Variants in RPH3A observed in about 807,000 individuals in gnomAD.
RPH3A encodes rabphilin 3A.
A neutral mutation model predicts 102.2 loss-of-function variants in RPH3A; 48 were observed. That is an observed-to-expected ratio of 0.47 (90% confidence interval 0.37 to 0.60). The LOEUF (loss-of-function observed/expected upper bound fraction) is 0.60. Among genes scored for constraint, RPH3A ranks in the 20% least tolerant of loss-of-function variants. RPH3A has a pLI of 0.00. For synonymous variants in RPH3A, 310 were observed against 324.3 expected, an observed-to-expected ratio of 0.96 and a Z score of 0.47; for missense variants, 781 against 910.1, an observed-to-expected ratio of 0.86 and a Z score of 1.83.
intron 2 of RPH3A, among the ~76,000 whole-genome samples, chr12:112,815,485 A>G (rs956001900): frequency 6.6e-6 from 1 of 152,134 alleles, no homozygotes; most frequent in Non-Finnish European, 1.5e-5. Flanking sequence ...CTCCCATCTA[A>G]AATTTGTGAA....
chr12:112,868,469 C>A lies in RPH3A; in HGVS notation c.484C>A (p.Pro162Thr). ...RSGAWFFKGF[P>T]KQVLPQPMPI... The stretch of plus-strand genomic sequence containing the variant: ...TGGAGCGTGGTTCTTCAAAGGCTTC[C>A]CCAAACAGGTCCTCCCACAGCCTAT... Residue 162 changes from proline (P) to threonine (T), a missense_variant, in exon 8 of 22, where the codon CCC (proline) becomes ACC (threonine). This residue lies in a region of RPH3A where 730 missense variants were observed against 810.0 expected (regional missense o/e 0.90). Transcript: ENST00000389385. The A allele has an allele frequency of 5.0e-6, 8 of 1,614,136 alleles. No homozygotes were observed. The highest frequency in any genetic ancestry group is 6.8e-6 in the Non-Finnish European group (8 of 1,180,020).
intron 1 of RPH3A, among the ~76,000 whole-genome samples, chr12:112,734,596 A>G (rs544906415): frequency 1.3e-5 from 2 of 152,376 alleles, no homozygotes; most frequent in South Asian, 4.1e-4. Context: ...TGGCTACTCC[A>G]TAGGCAGAGC....
intron 1 of RPH3A, among the ~76,000 whole-genome samples, chr12:112,752,066 G>A (rs1387976740): frequency 6.6e-6 from 1 of 152,264 alleles, no homozygotes; most frequent in South Asian, 2.1e-4. Context: ...TGTGGTATTA[G>A]GGGTAAGTTT....
chr12:112,862,663 C>T (rs149479054), intron 5 of RPH3A, among the ~76,000 whole-genome samples: 1 of 151,936 alleles, frequency 6.6e-6, no homozygotes, highest in East Asian at 2.0e-4. Flanking sequence ...TGCATGGTGC[C>T]TCCTCAAGCG....
chr12:112,737,064 A>AG (rs2040674441), intron 1 of RPH3A, among the ~76,000 whole-genome samples: 1 of 150,202 alleles, frequency 6.7e-6, no homozygotes, highest in Non-Finnish European at 1.5e-5. Context: ...CTGAGGTGGA[A>AG]GGATGGCTTG....
intron 5 of RPH3A, among the ~76,000 whole-genome samples, chr12:112,861,063 T>A (rs551892737): frequency 1.3e-5 from 2 of 152,162 alleles, no homozygotes; most frequent in East Asian, 3.9e-4. Context: ...ACAAAAGAGA[T>A]CAATGCAGAC....
chr12:112,663,538 A>G (rs954415026), intron 1 of RPH3A, among the ~76,000 whole-genome samples: 1 of 152,028 alleles, frequency 6.6e-6, no homozygotes, highest in Non-Finnish European at 1.5e-5. Flanking sequence ...ATTATTTTTT[A>G]TAGAGACAGC....
chr12:112,851,822 G>C (rs2042328700), intron 5 of RPH3A, among the ~76,000 whole-genome samples: 1 of 152,168 alleles, frequency 6.6e-6, no homozygotes, highest in Non-Finnish European at 1.5e-5. Context: ...TAAGTGCCAA[G>C]TGGGATTTCA....
rs567474017 is a variant in RPH3A at position 112,866,796 on chromosome 12, C to G, written c.400C>G (p.Leu134Val). The G allele has an allele frequency of 2.5e-5, 40 of 1,611,774 alleles. No individual in the cohort carries two copies. Among genetic ancestry groups the G allele is most frequent in the Middle Eastern group, 1.7e-4 (1 of 5,976 alleles). The change falls in exon 7 of 22, where the codon CTG becomes GTG. Residue 134 changes from leucine to valine, a missense_variant. Leu to Val is a conservative substitution (Grantham distance 32). Coordinates refer to ENST00000389385, the MANE Select transcript of RPH3A (RefSeq NM_001143854.2). Reference sequence around the variant, plus strand: ...GTGCGGAGTGGAGACCAACAACCGCCTGCATTCTGTGTGGCTCTGCAAAAT... The same window carrying G: ...GTGCGGAGTGGAGACCAACAACCGCGTGCATTCTGTGTGGCTCTGCAAAAT... ...TKCGVETNNR[L>V]HSVWLCKICI...
intron 2 of RPH3A, among the ~76,000 whole-genome samples, chr12:112,807,255 G>C (rs1054270355): frequency 3.3e-5 from 5 of 152,080 alleles, no homozygotes; most frequent in African/African-American, 1.2e-4. Context: ...ACTTGGAGAG[G>C]CTTGATGAAA....
intron 1 of RPH3A, among the ~76,000 whole-genome samples, chr12:112,629,691 G>C (rs1469950797): frequency 6.6e-6 from 1 of 151,430 alleles, no homozygotes; most frequent in Non-Finnish European, 1.5e-5. Flanking sequence ...TGCCCGGGCT[G>C]GTCTGAAACC....
chr12:112,704,742 T>C (rs1203659435), intron 1 of RPH3A, among the ~76,000 whole-genome samples: 2 of 152,208 alleles, frequency 1.3e-5, no homozygotes, highest in African/African-American at 4.8e-5. Flanking sequence ...GACCAACATT[T>C]CAAAAATTTA....
Position 112,883,397 on chromosome 12 carries a change from C to G in RPH3A, c.1431C>G (p.Thr477=), listed in dbSNP as rs1365782674. The G allele has an allele frequency of 6.2e-7, 1 of 1,612,366 alleles. No individual in the cohort carries two copies. Among genetic ancestry groups the G allele is most frequent in the Admixed American group, 1.7e-5 (1 of 59,966 alleles). ...CCGATGAGGACATGCAAAGGAAGAC[C>G]CTCAGGTACCTGGCAGGCAGAGGGC... is the stretch of plus-strand genomic sequence containing the variant. ...GITDEDMQRK[T]LRISVCDEDK... The change falls in exon 16 of 22, where the codon ACC becomes ACG. Residue 477 remains threonine (T), a synonymous_variant. Coordinates refer to ENST00000389385, the MANE Select transcript of RPH3A (RefSeq NM_001143854.2).
chr12:112,600,177 G>A (rs980494542), intron 1 of RPH3A, among the ~76,000 whole-genome samples: 2 of 152,102 alleles, frequency 1.3e-5, no homozygotes, highest in Admixed American at 6.5e-5. Context: ...GCACTCCCTT[G>A]GGGTATAATT....
At chr12:112,610,506 T>TAAAA (rs574202389) in intron 1 of RPH3A, among the ~76,000 whole-genome samples, 1 of 95,442 alleles carries the variant, frequency 1.0e-5, no homozygotes, top group African/African-American at 4.2e-5. Flanking sequence ...CTGTCTCAAT[T>TAAAA]AAAAAAAAAA....
At chr12:112,626,679 T>C in intron 1 of RPH3A, among the ~76,000 whole-genome samples, 1 of 126,890 alleles carries the variant, frequency 7.9e-6, no homozygotes, top group Non-Finnish European at 1.7e-5. Context: ...GAACTAGAAA[T>C]ACCATTTGAC....
At chr12:112,876,449 C>T (rs1181166849) in intron 12 of RPH3A, among the ~76,000 whole-genome samples, 193 bp from the exon 13 acceptor site, 3 of 152,158 alleles carry the variant, frequency 2.0e-5, no homozygotes, top group South Asian at 2.1e-4. Context: ...GATTTGTACC[C>T]CCACAAGGTC....
At chr12:112,584,330 A>T (rs1305093523) in intron 1 of RPH3A, among the ~76,000 whole-genome samples, 1 of 152,170 alleles carries the variant, frequency 6.6e-6, no homozygotes, top group East Asian at 1.9e-4. Flanking sequence ...TTCTGTTCAT[A>T]TCTACACTCC....
At chr12:112,824,711 C>A (rs981049852) in intron 2 of RPH3A, among the ~76,000 whole-genome samples, 7 of 152,104 alleles carry the variant, frequency 4.6e-5, no homozygotes. Flanking sequence ...CCAGGGCTGT[C>A]CAGGGTGGCT....
Sources: allele counts gnomAD v4.1 joint callset (sites outside exome capture counted in the v4.1 genomes callset), GRCh38; gene constraint gnomAD v4.1.1; regional missense constraint gnomAD v4.1.1; transcripts MANE v1.5; gene names NCBI Gene and HGNC (gene_info 2026-07-23, HGNC 2026-07-21).